RPTOR: variants seen among roughly 807,000 people sequenced by gnomAD.
RPTOR encodes regulatory-associated protein of mTOR.
A neutral mutation model predicts 169.9 loss-of-function variants in RPTOR; 21 were observed. The observed-to-expected ratio is 0.12, with a 90% CI of 0.09 to 0.18. The LOEUF (loss-of-function observed/expected upper bound fraction) is 0.18, where lower values mean the gene tolerates loss of function less well. RPTOR is among the 10% of genes least tolerant of loss of function. RPTOR has a pLI of 1.00. For synonymous variants in RPTOR, 732 were observed against 753.2 expected, an observed-to-expected ratio of 0.97 and a Z score of 0.46; for missense variants, 1,133 against 1,855.9, an observed-to-expected ratio of 0.61 and a Z score of 7.16.
At chr17:80,807,041 T>C (rs539952070) in intron 7 of RPTOR, among the ~76,000 whole-genome samples, 1 of 152,374 alleles carries the variant, frequency 6.6e-6, no homozygotes, top group Admixed American at 6.5e-5. Flanking sequence ...CCTTTATCTC[T>C]GGTAATGCCT....
At chr17:80,700,644 T>TGGTGGTGGTGATGATGGTGAC (rs2066083992) in intron 3 of RPTOR, among the ~76,000 whole-genome samples, 1 of 148,404 alleles carries the variant, frequency 6.7e-6, no homozygotes, top group East Asian at 2.0e-4. Flanking sequence ...ATGATGGTGG[T>TGGTGGTGGTGATGATGGTGAC]GGTGATGGTA....
In RPTOR at chr17:80,906,410, G is replaced by C. The variant is rs1026411435; in HGVS notation, c.2402-2401G>C. 1.2e-4 allele frequency among the ~76,000 whole-genome samples: 19 copies of C among 152,332 alleles called. 1 individual carries two copies. Among genetic ancestry groups the C allele is most frequent in the African/African-American group, 4.6e-4 (19 of 41,594 alleles). On this transcript the variant is annotated intron_variant, in intron 20 of 33. Transcript: ENST00000306801. ...GCAATCTGAGAGCTGGAAGGCTTCG[G>C]TTCTGTCCCAGTACACGCGGTGCAG... is the stretch of plus-strand genomic sequence containing the variant.
Position 80,883,410 on chromosome 17 carries a change from G to C in RPTOR, c.1585-9G>C. ...GGGGAGACGACCAGGACTGGTTTTTGTTTTCCAGGCTGAACACCGGACCAT... is the reference window on the plus strand; with the variant it reads ...GGGGAGACGACCAGGACTGGTTTTTCTTTTCCAGGCTGAACACCGGACCAT... On this transcript the variant is annotated splice_polypyrimidine_tract_variant and intron_variant, in intron 14 of 33. Coordinates refer to ENST00000306801, the MANE Select transcript of RPTOR (RefSeq NM_020761.3). 1 of 1,614,080 alleles carries C rather than the reference G, an allele frequency of 6.2e-7. No homozygotes were observed. Among genetic ancestry groups the C allele is most frequent in the Non-Finnish European group, 8.5e-7 (1 of 1,179,954 alleles).
chr17:80,914,300 C>G (rs575605608), intron 21 of RPTOR, among the ~76,000 whole-genome samples: 2 of 152,372 alleles, frequency 1.3e-5, no homozygotes, highest in South Asian at 4.1e-4. Flanking sequence ...TACAGCCACC[C>G]AGCCACAACT....
intron 3 of RPTOR, among the ~76,000 whole-genome samples, chr17:80,655,576 A>ATTT (rs36041783): frequency 7.4e-5 from 10 of 135,712 alleles, no homozygotes; most frequent in Non-Finnish European, 9.5e-5. Flanking sequence ...CTAATTTTTA[A>ATTT]TTTTTTTTTT....
intron 12 of RPTOR, among the ~76,000 whole-genome samples, chr17:80,856,439 G>C (rs1455142267): frequency 6.6e-6 from 1 of 152,248 alleles, no homozygotes; most frequent in African/African-American, 2.4e-5. Context: ...TGGGTGGTGA[G>C]TACCTGGGTT....
intron 3 of RPTOR, among the ~76,000 whole-genome samples, chr17:80,677,188 TA>T (rs996582810): frequency 3.9e-5 from 6 of 152,214 alleles, no homozygotes; most frequent in African/African-American, 1.4e-4. Context: ...ACCTCTTTTT[TA>T]ACTGCCATGT....
chr17:80,966,179 C>G lies in RPTOR; in HGVS notation c.*1849C>G. 1 of 227,886 alleles carries G rather than the reference C, an allele frequency of 4.4e-6. No individual in the cohort carries two copies. The highest frequency in any genetic ancestry group is 2.2e-5 in the African/African-American group (1 of 45,110). The allele number at this position is 227,886 out of a possible 1,614,324, so 14.1% of individuals were successfully genotyped here. On this transcript the variant is annotated 3_prime_UTR_variant, in exon 34 of 34. Coordinates refer to ENST00000306801, the MANE Select transcript of RPTOR (RefSeq NM_020761.3). ...CCATGGGCACCGCGTGCCGCCTGCA[C>G]GTGGGCTGTCTTCACAGGTCTGATG...
At chr17:80,935,067 A>G (rs1376860621) in intron 24 of RPTOR, among the ~76,000 whole-genome samples, 2 of 152,094 alleles carry the variant, frequency 1.3e-5, no homozygotes, top group African/African-American at 4.8e-5. Flanking sequence ...GTATTTCCAT[A>G]TGAGCAATTG....
In RPTOR at chr17:80,721,789, A is replaced by G. The variant is rs946241811; in HGVS notation, c.508-8771A>G. 6.6e-6 allele frequency among the ~76,000 whole-genome samples: 1 copy of G among 151,394 alleles called. No individual in the cohort carries two copies. The highest frequency in any genetic ancestry group is 2.5e-5 in the African/African-American group (1 of 40,644). ...CCTGTTATTTATTAATAGGCTTAAG[A>G]TAGCCAGAAGGACATTTCTGCTAGA... On this transcript the variant is annotated intron_variant, in intron 4 of 33. Transcript: ENST00000306801. The surrounding 1 kb of genome is among the most constrained non-coding windows in gnomAD (Gnocchi z 4.7).
At chr17:80,572,837 A>G (rs2064921930) in intron 1 of RPTOR, among the ~76,000 whole-genome samples, 1 of 152,204 alleles carries the variant, frequency 6.6e-6, no homozygotes, top group Non-Finnish European at 1.5e-5. Flanking sequence ...TCTGATAATC[A>G]GTCTGTTCCT....
At chr17:80,700,438 G>A in intron 3 of RPTOR, among the ~76,000 whole-genome samples, 1 of 117,492 alleles carries the variant, frequency 8.5e-6, no homozygotes, top group African/African-American at 3.6e-5. Flanking sequence ...TGGTGGTTAT[G>A]ATGGTGGTGG....
chr17:80,701,965 C>T (rs1200900122), intron 3 of RPTOR, among the ~76,000 whole-genome samples: 1 of 152,160 alleles, frequency 6.6e-6, no homozygotes, highest in African/African-American at 2.4e-5. Flanking sequence ...CTAGCGGGAC[C>T]ATGCCGCCAC....
intron 1 of RPTOR, among the ~76,000 whole-genome samples, chr17:80,597,109 A>G (rs1364871847): frequency 6.6e-6 from 1 of 152,166 alleles, no homozygotes; most frequent in Non-Finnish European, 1.5e-5. Flanking sequence ...TAAAACAGGG[A>G]CGCACAGAAA....
Position 80,754,177 on chromosome 17 carries a change from C to T in RPTOR, c.822C>T (p.Ala274=). The part of the protein sequence containing the change: ...TSCLTTPIKI[A]LRWFCMQKCV... ...GCCTCACCACCCCCATCAAGATCGCCCTGCGCTGGTGAGTGGCCCCTGCTG... is the reference window on the plus strand; with the variant it reads ...GCCTCACCACCCCCATCAAGATCGCTCTGCGCTGGTGAGTGGCCCCTGCTG... Residue 274 remains alanine (A), a synonymous_variant, in exon 6 of 34, where the codon GCC becomes GCT. Coordinates refer to ENST00000306801, the MANE Select transcript of RPTOR (RefSeq NM_020761.3). This position sits in a 1 kb window ranked among gnomAD's most constrained non-coding sequence, Gnocchi z 4.2. The T allele has an allele frequency of 1.2e-6, 2 of 1,603,510 alleles. No individual in the cohort carries two copies. The highest frequency in any genetic ancestry group is 1.7e-6 in the Non-Finnish European group (2 of 1,173,590).
chr17:80,752,404 C>T (rs759094130), intron 5 of RPTOR, among the ~76,000 whole-genome samples: 34 of 152,256 alleles, frequency 2.2e-4, no homozygotes, highest in Non-Finnish European at 4.6e-4. Context: ...AGCTGCTGTG[C>T]CTCCCCCAGC....
intron 24 of RPTOR, among the ~76,000 whole-genome samples, chr17:80,937,535 T>G (rs2068969175): frequency 6.6e-6 from 1 of 152,206 alleles, no homozygotes; most frequent in Admixed American, 6.5e-5. Context: ...AGAATCGTAA[T>G]TGGTTTCTGT....
In RPTOR at chr17:80,821,499, T is replaced by G. The variant is rs546839602; in HGVS notation, c.891-702T>G. 4.6e-4 allele frequency among the ~76,000 whole-genome samples: 70 copies of G among 152,266 alleles called. 1 individual carries two copies. The highest frequency in any genetic ancestry group is 1.6e-3 in the African/African-American group (67 of 41,552). ...AGCTCCATCCAAGTTGCTGCAAAAG[T>G]CATGGTTCTGTCCTCACGGCTGAGG... On this transcript the variant is annotated intron_variant, in intron 7 of 33. Coordinates refer to ENST00000306801, the MANE Select transcript of RPTOR (RefSeq NM_020761.3).
chr17:80,730,716 C>T lies in RPTOR; in HGVS notation c.654+10C>T. ...GGAGCAGGAGCTGGAGGTGAGCGCT[C>T]TGGTGCTTGGAGAGCGGTGCTGGGT... is the stretch of plus-strand genomic sequence containing the variant. On this transcript the variant is annotated intron_variant, in intron 5 of 33. Transcript: ENST00000306801. This position sits in a 1 kb window ranked among gnomAD's most constrained non-coding sequence, Gnocchi z 4.2. 5 of 1,353,082 alleles carry T rather than the reference C, an allele frequency of 3.7e-6. No individual in the cohort carries two copies. In the East Asian group the frequency reaches 1.4e-4, roughly 38 times the overall value. The allele number at this position is 1,353,082 out of a possible 1,614,324, so 83.8% of individuals were successfully genotyped here. A position where few individuals can be genotyped will look rare whatever the true frequency, so the allele number is the denominator to read the frequency against.
Sources: allele counts gnomAD v4.1 joint callset (sites outside exome capture counted in the v4.1 genomes callset), GRCh38; gene constraint gnomAD v4.1.1; non-coding constraint Gnocchi (gnomAD v3.1); transcripts MANE v1.5; gene names NCBI Gene and HGNC (gene_info 2026-07-23, HGNC 2026-07-21).